USP37: variants seen among roughly 807,000 people sequenced by gnomAD.
USP37 encodes the protein ubiquitin specific peptidase 37.
Under a neutral mutation model 124.0 loss-of-function variants are expected in USP37, and 27 were observed. The observed-to-expected ratio is 0.22, with a 90% CI of 0.16 to 0.30. The LOEUF is 0.30. Ranked by LOEUF, USP37 falls within the 10% of genes least tolerant of loss-of-function variation. USP37 has a pLI of 1.00. For missense variants in USP37, 889 were observed against 1,140.4 expected (o/e 0.78, Z 3.17); for synonymous variants, 365 against 388.0 (o/e 0.94, Z 0.70).
At chr2:218,514,330 T>C (rs1057092415) in intron 10 of USP37, 1 of 152,230 alleles carries the variant, frequency 6.6e-6, no homozygotes, top group Non-Finnish European at 1.5e-5. Flanking sequence ...ACAGTGCAAG[T>C]AGTTGTCATG....
chr2:218,521,727 C>G (rs1690632479), intron 10 of USP37, among the ~76,000 whole-genome samples: 1 of 152,182 alleles, frequency 6.6e-6, no homozygotes, highest in Non-Finnish European at 1.5e-5. Flanking sequence ...ACTAAAAAGT[C>G]TGGATCCTAC....
At position 218,534,753 on chromosome 2, in the gene USP37, A is replaced by G. The variant is rs753968646; in HGVS notation, c.681-47T>C. 1.0e-5 allele frequency: 13 copies of G among 1,256,858 alleles called. No homozygotes were observed. The East Asian group carries it at 2.9e-4, about 28-fold the overall frequency. 77.9% of individuals were successfully genotyped at this position (1,256,858 alleles called of 1,614,324 possible). A position where few individuals can be genotyped will look rare whatever the true frequency, so the allele number is the denominator to read the frequency against. ...CAATATAGTACAGGTGTATAAAAAT[A>G]TTGTTCTTAATTTTAAATAGTTGTC... On this transcript the variant is annotated intron_variant, in intron 8 of 25. Transcript: ENST00000258399.
rs186340957 is a variant in USP37 at position 218,467,880 on chromosome 2, A to G, written c.2300-1704T>C. On this transcript the variant is annotated intron_variant, in intron 20 of 25. Coordinates refer to ENST00000258399, the MANE Select transcript of USP37 (RefSeq NM_020935.3). ...TGAATTGTTAGAGCAATAACATTTC[A>G]TGTTTTTTTTGTTTTTTTTTTTTTT... is the stretch of plus-strand genomic sequence containing the variant. Among the ~76,000 whole-genome samples the G allele has an allele frequency of 7.4e-5, 11 of 149,372 alleles. 1 individual carries two copies. The East Asian group carries it at 1.9e-3, about 26-fold the overall frequency.
At chr2:218,561,501 T>C (rs1319653462) in intron 2 of USP37, among the ~76,000 whole-genome samples, 1 of 151,908 alleles carries the variant, frequency 6.6e-6, no homozygotes, top group Non-Finnish European at 1.5e-5. Flanking sequence ...CTACCAAAAA[T>C]ACAAAAATTA....
chr2:218,483,548 C>T (rs901884419), intron 16 of USP37, among the ~76,000 whole-genome samples: 7 of 144,738 alleles, frequency 4.8e-5, no homozygotes, highest in Non-Finnish European at 7.5e-5. Flanking sequence ...GCTTCTATCA[C>T]ATAAGTCTGG....
intron 8 of USP37, 53 bp downstream of exon 8, chr2:218,546,168 A>G: frequency 7.1e-7 from 1 of 1,411,402 alleles, no homozygotes; most frequent in Non-Finnish European, 9.8e-7. Flanking sequence ...GGTTACAAAT[A>G]CCAATATAAG....
At chr2:218,496,095 A>C (rs980673463) in intron 13 of USP37, 145 bp from the exon 14 acceptor site, 1 of 701,984 alleles carries the variant, frequency 1.4e-6, no homozygotes. Context: ...GGAGTTCGAG[A>C]CCAGCCCGGC....
At chr2:218,462,935 G>A (rs764037972) in intron 22 of USP37, among the ~76,000 whole-genome samples, 2 of 152,092 alleles carry the variant, frequency 1.3e-5, no homozygotes, top group Non-Finnish European at 2.9e-5. Flanking sequence ...GGGAGGCTGA[G>A]GAGGGTGGAT....
At chr2:218,532,622 CAA>C (rs1201489836) in intron 9 of USP37, among the ~76,000 whole-genome samples, 1 of 151,902 alleles carries the variant, frequency 6.6e-6, no homozygotes, top group Non-Finnish European at 1.5e-5. Context: ...CATTTTTTTG[CAA>C]TAAACTATTT....
chr2:218,562,854 A>G, intron 1 of USP37, 41 bp from the exon 2 acceptor site: 1 of 397,484 alleles, frequency 2.5e-6, no homozygotes. Flanking sequence ...AGAACCCAAT[A>G]TACAAAATTA....
intron 1 of USP37, 21 bp from the exon 2 acceptor site, chr2:218,562,834 C>T (rs1222367425): frequency 7.5e-6 from 3 of 397,926 alleles, no homozygotes; most frequent in Non-Finnish European, 1.3e-5. Context: ...TAAAAATGTG[C>T]TTTTTAAAAA....
At chr2:218,516,090 G>C (rs1459547359) in intron 10 of USP37, among the ~76,000 whole-genome samples, 1 of 152,200 alleles carries the variant, frequency 6.6e-6, no homozygotes, top group Non-Finnish European at 1.5e-5. Flanking sequence ...CTGTTGGTGG[G>C]AGTGTAAATT....
At position 218,510,006 on chromosome 2, in the gene USP37, G is replaced by GA. The variant is rs773194676; in HGVS notation, c.997dup (p.Ser333PhefsTer36). 6.3e-7 allele frequency: 1 copy of GA among 1,588,364 alleles called. No homozygotes were observed. The highest frequency in any genetic ancestry group is 8.6e-7 in the Non-Finnish European group (1 of 1,162,712). On this transcript the variant is annotated frameshift_variant, in exon 11 of 26. Coordinates refer to ENST00000258399, the MANE Select transcript of USP37 (RefSeq NM_020935.3). LOFTEE classifies it high-confidence loss of function. ...CTGCAGTTGCTGCTGTTGGTGAGAG[G>GA]AAAGGGGCACTCTTGGTTTATTCCA...
chr2:218,503,662 C>G (rs1196427883), intron 11 of USP37, among the ~76,000 whole-genome samples: 1 of 152,122 alleles, frequency 6.6e-6, no homozygotes, highest in African/African-American at 2.4e-5. Context: ...CTGCAGTGAG[C>G]CGAGATCGCA....
rs1174096362 is a variant in USP37, at chr2:218,553,591, A to C, written c.290T>G (p.Leu97Trp). ...VPSKDAEEMR[L>W]FLDAVHQNRL... ...GTTTTGATGGACTGCATCTAGAAAC[A>C]ACCTCATTTCCTCTGCATCCTTACT... The change falls in exon 5 of 26, where the codon TTG becomes TGG. Residue 97 changes from leucine to tryptophan, a missense_variant. Coordinates refer to ENST00000258399, the MANE Select transcript of USP37 (RefSeq NM_020935.3). 1.2e-6 allele frequency: 2 copies of C among 1,613,794 alleles called. No individual in the cohort carries two copies. The highest frequency in any genetic ancestry group is 2.2e-5 in the East Asian group (1 of 44,874).
intron 10 of USP37, among the ~76,000 whole-genome samples, chr2:218,516,489 A>G (rs1690288947): frequency 6.6e-6 from 1 of 151,756 alleles, no homozygotes; most frequent in Non-Finnish European, 1.5e-5. Flanking sequence ...CAGTTGAGCA[A>G]TGAGAACACA....
intron 20 of USP37, among the ~76,000 whole-genome samples, chr2:218,470,055 C>G (rs1267200776): frequency 6.6e-6 from 1 of 151,884 alleles, no homozygotes; most frequent in Admixed American, 6.6e-5. Context: ...CTCCTGACCT[C>G]GTGATCCACC....
At chr2:218,524,374 A>G (rs955570434) in intron 10 of USP37, among the ~76,000 whole-genome samples, 2 of 152,186 alleles carry the variant, frequency 1.3e-5, no homozygotes, top group African/African-American at 4.8e-5. Context: ...TGCTGAGATT[A>G]TAGGTGTGAA....
At chr2:218,530,669 G>A (rs1210194697) in intron 9 of USP37, among the ~76,000 whole-genome samples, 1 of 152,156 alleles carries the variant, frequency 6.6e-6, no homozygotes, top group East Asian at 1.9e-4. Flanking sequence ...AGTCAGGGAG[G>A]CACGTCAAAA....
Sources: gnomAD v4.1 joint callset for allele counts (sites outside exome capture counted in the v4.1 genomes callset) on GRCh38, gnomAD v4.1.1 for gene constraint, MANE v1.5 for transcripts, NCBI Gene and HGNC (gene_info 2026-07-23, HGNC 2026-07-21) for gene names.